The following OSBPL8 variants were observed in gnomAD, a reference collection of about 807,000 sequenced individuals.
The protein encoded by OSBPL8 is oxysterol-binding protein-related protein 8.
A neutral mutation model predicts 125.5 loss-of-function variants in OSBPL8; 59 were observed. That is an observed-to-expected ratio of 0.47 (90% CI 0.38 to 0.58). The LOEUF (loss-of-function observed/expected upper bound fraction) is 0.58. Ranked by LOEUF, OSBPL8 falls within the 20% of genes least tolerant of loss-of-function variation. The pLI is 0.00. For synonymous variants in OSBPL8, 330 were observed against 338.9 expected (o/e 0.97, Z 0.29); for missense variants, 758 against 1,047.8 (o/e 0.72, Z 3.82).
chr12:76,527,351 C>T (rs1025325735), intron 1 of OSBPL8, among the ~76,000 whole-genome samples: 1 of 152,058 alleles, frequency 6.6e-6, no homozygotes, highest in Non-Finnish European at 1.5e-5. Context: ...CAATTAAAAC[C>T]CTTTGATCCT....
intron 12 of OSBPL8, among the ~76,000 whole-genome samples, chr12:76,387,121 C>T (rs1480256472): frequency 6.6e-6 from 1 of 152,110 alleles, no homozygotes; most frequent in Admixed American, 6.6e-5. Context: ...CACTGAAGGA[C>T]CAATATTTAC....
rs187261728 is a variant in OSBPL8 at position 76,463,739 on chromosome 12, C to A, written c.43-3844G>T. ...TCAAAAGGATATGGATACAAAAGCA[C>A]TGAACTGGGAGTCAAGTGAAATCAT... On this transcript the variant is annotated intron_variant, in intron 2 of 23. Coordinates refer to ENST00000261183, the MANE Select transcript of OSBPL8 (RefSeq NM_020841.5). 1.4e-3 allele frequency among the ~76,000 whole-genome samples: 212 copies of A among 152,278 alleles called. 1 individual carries two copies. The highest frequency in any genetic ancestry group is 5.0e-3 in the African/African-American group (206 of 41,558).
At chr12:76,484,906 G>A (rs1877955242) in intron 2 of OSBPL8, among the ~76,000 whole-genome samples, 1 of 152,038 alleles carries the variant, frequency 6.6e-6, no homozygotes, top group Non-Finnish European at 1.5e-5. Flanking sequence ...AAGAAAAACT[G>A]TTCTCACTAC....
chr12:76,514,163 GAGAT>G (rs1406046151), intron 1 of OSBPL8, among the ~76,000 whole-genome samples: 1 of 151,828 alleles, frequency 6.6e-6, no homozygotes, highest in African/African-American at 2.4e-5. Flanking sequence ...TCTTTTTTTT[GAGAT>G]AGAGTCTCAC....
At chr12:76,544,112 C>G (rs1384110387) in intron 1 of OSBPL8, among the ~76,000 whole-genome samples, 1 of 152,162 alleles carries the variant, frequency 6.6e-6, no homozygotes, top group Non-Finnish European at 1.5e-5. Flanking sequence ...CATCTCCATT[C>G]AGAGTAGTCA....
chr12:76,366,441 T>C (rs1035939817), intron 21 of OSBPL8: 2 of 308,382 alleles, frequency 6.5e-6, no homozygotes, highest in African/African-American at 4.4e-5. Flanking sequence ...CTTGCTTCCT[T>C]AGCCTAGCTG....
At chr12:76,426,335 G>C (rs1870142397) in intron 4 of OSBPL8, among the ~76,000 whole-genome samples, 1 of 152,144 alleles carries the variant, frequency 6.6e-6, no homozygotes, top group African/African-American at 2.4e-5. Flanking sequence ...TTCTGGTTTT[G>C]AGTGTTGCCC....
chr12:76,541,571 T>C (rs1377622188), intron 1 of OSBPL8, among the ~76,000 whole-genome samples: 12 of 152,162 alleles, frequency 7.9e-5, no homozygotes, highest in Non-Finnish European at 1.3e-4. Context: ...AAATAGGCCA[T>C]AGGCCAGTTG....
chr12:76,447,550 T>C (rs902180528), intron 4 of OSBPL8, among the ~76,000 whole-genome samples: 1 of 152,124 alleles, frequency 6.6e-6, no homozygotes, highest in African/African-American at 2.4e-5. Flanking sequence ...AGATCCATTT[T>C]TTTTTTTCCT....
chr12:76,388,198 A>C (rs954227796), intron 12 of OSBPL8, among the ~76,000 whole-genome samples: 4 of 152,320 alleles, frequency 2.6e-5, no homozygotes, highest in Admixed American at 6.5e-5. Context: ...TTATTATTAC[A>C]AACCCTGCTG....
chr12:76,441,207 A>G (rs187483203), intron 4 of OSBPL8, among the ~76,000 whole-genome samples: 196 of 152,300 alleles, frequency 1.3e-3, no homozygotes, highest in African/African-American at 4.4e-3. Context: ...GTCAGCTTGA[A>G]AGAGGAGACT....
At chr12:76,522,481 C>G (rs1257283872) in intron 1 of OSBPL8, among the ~76,000 whole-genome samples, 2 of 152,078 alleles carry the variant, frequency 1.3e-5, no homozygotes, top group Non-Finnish European at 2.9e-5. Context: ...GCCATTCTCT[C>G]AGTAATGAGT....
chr12:76,534,432 G>A (rs1950435547), intron 1 of OSBPL8, among the ~76,000 whole-genome samples: 1 of 152,118 alleles, frequency 6.6e-6, no homozygotes, highest in African/African-American at 2.4e-5. Flanking sequence ...TACTGACCTT[G>A]TCAAAAATCA....
chr12:76,427,422 T>C (rs1044282001), intron 4 of OSBPL8, among the ~76,000 whole-genome samples: 2 of 151,988 alleles, frequency 1.3e-5, no homozygotes, highest in African/African-American at 4.8e-5. Flanking sequence ...AATAATAACA[T>C]TACATTTCAC....
At chr12:76,450,025 C>T (rs558388392) in intron 4 of OSBPL8, among the ~76,000 whole-genome samples, 8 of 152,118 alleles carry the variant, frequency 5.3e-5, no homozygotes, top group Non-Finnish European at 1.2e-4. Context: ...CGGATCATCA[C>T]ATCACAACAG....
chr12:76,511,047 A>G (rs908954045), intron 1 of OSBPL8, among the ~76,000 whole-genome samples: 2 of 152,208 alleles, frequency 1.3e-5, no homozygotes, highest in Non-Finnish European at 2.9e-5. Context: ...AATGTCCCTT[A>G]AACAAAGGTA....
At chr12:76,459,779 C>T (rs1164020358) in intron 3 of OSBPL8, 80 bp downstream of exon 3, 2 of 1,482,192 alleles carry the variant, frequency 1.3e-6, no homozygotes, top group African/African-American at 2.8e-5. Flanking sequence ...AAAATTGAAA[C>T]ACCATTTGCC....
intron 4 of OSBPL8, among the ~76,000 whole-genome samples, chr12:76,432,269 T>C (rs1216016051): frequency 1.3e-5 from 2 of 152,140 alleles, no homozygotes; most frequent in African/African-American, 2.4e-5. Flanking sequence ...GAGAAGTTCA[T>C]GGTGATAATG....
At chr12:76,508,154 G>C (rs1880608374) in intron 1 of OSBPL8, among the ~76,000 whole-genome samples, 1 of 150,766 alleles carries the variant, frequency 6.6e-6, no homozygotes, top group African/African-American at 2.4e-5. Flanking sequence ...CTGGGCAACA[G>C]AGCAAGACTC....
Sources: gnomAD v4.1 joint callset for allele counts (sites outside exome capture counted in the v4.1 genomes callset) on GRCh38, gnomAD v4.1.1 for gene constraint, MANE v1.5 for transcripts, NCBI Gene and HGNC (gene_info 2026-07-23, HGNC 2026-07-21) for gene names.